RBFOX1: variants seen among roughly 807,000 people sequenced by gnomAD.
The protein encoded by RBFOX1 is RNA binding protein fox-1 homolog 1.
In RBFOX1, 8 loss-of-function variants were observed where a neutral mutation model predicts 57.7. The observed-to-expected ratio is 0.14, with a 90% CI of 0.08 to 0.25. The LOEUF (loss-of-function observed/expected upper bound fraction) is 0.25, where lower values mean the gene tolerates loss of function less well. RBFOX1 is among the 10% of genes least tolerant of loss of function. The pLI is 1.00. For synonymous variants in RBFOX1, 326 were observed against 222.4 expected (o/e 1.47, Z -4.15); for missense variants, 611 against 548.5 (o/e 1.11, Z -1.14).
intron 4 of RBFOX1, among the ~76,000 whole-genome samples, chr16:7,192,930 C>A (rs546434944): frequency 1.3e-5 from 2 of 152,296 alleles, no homozygotes; most frequent in South Asian, 2.1e-4. Context: ...ATGTAAAAAG[C>A]AGAGAGAAAG....
chr16:5,425,020 G>T (rs1260714580), intron 1 of RBFOX1, among the ~76,000 whole-genome samples: 40 of 78,788 alleles, frequency 5.1e-4, no homozygotes, highest in South Asian at 8.1e-4. Context: ...TTTCTTTCTT[G>T]ATTCCTCCCT....
At chr16:6,417,200 TG>T (rs1459620929) in intron 2 of RBFOX1, among the ~76,000 whole-genome samples, 1 of 151,530 alleles carries the variant, frequency 6.6e-6, no homozygotes, top group African/African-American at 2.4e-5. Flanking sequence ...TTAGTAGAGA[TG>T]GGGTTTCACC....
chr16:6,832,538 A>C (rs970721969), intron 3 of RBFOX1, among the ~76,000 whole-genome samples: 1 of 152,204 alleles, frequency 6.6e-6, no homozygotes, highest in Non-Finnish European at 1.5e-5. Flanking sequence ...CCTCTTGCTT[A>C]GTATGAATGT....
At chr16:6,103,310 G>A (rs1038139672) in intron 1 of RBFOX1, among the ~76,000 whole-genome samples, 1 of 152,068 alleles carries the variant, frequency 6.6e-6, no homozygotes, top group Non-Finnish European at 1.5e-5. Flanking sequence ...GACAAAAGAT[G>A]GGAGAAGTGA....
chr16:6,679,296 T>C (rs577841983), intron 3 of RBFOX1, among the ~76,000 whole-genome samples: 6 of 152,142 alleles, frequency 3.9e-5, no homozygotes, highest in African/African-American at 1.2e-4. Context: ...AAGCTAATCA[T>C]GGTAAAGGTG....
At chr16:5,970,620 C>G (rs1385120980) in intron 4 of RBFOX1, among the ~76,000 whole-genome samples, 1 of 152,114 alleles carries the variant, frequency 6.6e-6, no homozygotes, top group African/African-American at 2.4e-5. Context: ...TGTGGGCCGA[C>G]CAAGTCAAAT....
intron 1 of RBFOX1, among the ~76,000 whole-genome samples, chr16:5,461,901 C>A (rs778179853): frequency 4.6e-5 from 7 of 152,172 alleles, no homozygotes; most frequent in Admixed American, 4.6e-4. Flanking sequence ...AGAGAAGGGA[C>A]AAGGGGTAGC....
chr16:6,500,419 G>T (rs1017796740), intron 2 of RBFOX1, among the ~76,000 whole-genome samples: 4 of 152,100 alleles, frequency 2.6e-5, no homozygotes, highest in African/African-American at 9.7e-5. Flanking sequence ...ATATGATATT[G>T]TTAAGTCACA....
intron 4 of RBFOX1, among the ~76,000 whole-genome samples, chr16:7,369,689 G>T (rs572335977): frequency 6.6e-6 from 1 of 152,198 alleles, no homozygotes; most frequent in South Asian, 2.1e-4. Context: ...GGATGGAGGG[G>T]CTATTTGCCA....
intron 4 of RBFOX1, among the ~76,000 whole-genome samples, chr16:7,251,554 G>T (rs13338161): frequency 2.0e-5 from 3 of 151,808 alleles, no homozygotes; most frequent in Non-Finnish European, 4.4e-5. Context: ...GGGATTACAC[G>T]TGTCTCCCCT....
chr16:7,313,886 G>T (rs971202347), intron 4 of RBFOX1, among the ~76,000 whole-genome samples: 1 of 152,152 alleles, frequency 6.6e-6, no homozygotes. Context: ...GCCAGTGGCT[G>T]GTTCTGTATG....
intron 1 of RBFOX1, among the ~76,000 whole-genome samples, chr16:6,222,122 T>C (rs772090941): frequency 6.6e-6 from 1 of 152,158 alleles, no homozygotes; most frequent in Non-Finnish European, 1.5e-5. Flanking sequence ...CATGATGTCT[T>C]TCCAAACAAC....
intron 3 of RBFOX1, among the ~76,000 whole-genome samples, chr16:6,765,833 C>G (rs1453397593): frequency 6.6e-6 from 1 of 152,138 alleles, no homozygotes; most frequent in African/African-American, 2.4e-5. Context: ...TCTTTTGCAG[C>G]AACTTGGATG....
chr16:6,809,210 C>G (rs1439869494), intron 3 of RBFOX1, among the ~76,000 whole-genome samples: 2 of 152,160 alleles, frequency 1.3e-5, no homozygotes, highest in Non-Finnish European at 2.9e-5. Flanking sequence ...ACCACCTTGG[C>G]TACGCTGGAG....
At chr16:6,462,182 C>G (rs1259264738) in intron 2 of RBFOX1, among the ~76,000 whole-genome samples, 1 of 152,146 alleles carries the variant, frequency 6.6e-6, no homozygotes, top group Non-Finnish European at 1.5e-5. Context: ...ACACAGAACT[C>G]TTTAGAGTTA....
intron 2 of RBFOX1, among the ~76,000 whole-genome samples, chr16:6,582,363 A>C (rs1346966521): frequency 6.6e-6 from 1 of 152,168 alleles, no homozygotes; most frequent in Non-Finnish European, 1.5e-5. Flanking sequence ...ATGAACACTA[A>C]ATTTAACAAT....
chr16:5,272,490 A>G (rs1474293780), intron 1 of RBFOX1, among the ~76,000 whole-genome samples: 1 of 152,176 alleles, frequency 6.6e-6, no homozygotes, highest in Non-Finnish European at 1.5e-5. Context: ...TGAGATTTCT[A>G]CTGAGATCAG....
chr16:6,275,016 G>A (rs1468047407), intron 1 of RBFOX1, among the ~76,000 whole-genome samples: 1 of 152,164 alleles, frequency 6.6e-6, no homozygotes, highest in African/African-American at 2.4e-5. Context: ...TCCGGAGAGT[G>A]ACATGGAAAT....
At chr16:6,322,991 C>G (rs1218328579) in intron 2 of RBFOX1, among the ~76,000 whole-genome samples, 3 of 152,194 alleles carry the variant, frequency 2.0e-5, no homozygotes, top group Non-Finnish European at 4.4e-5. Context: ...ATGAATATCT[C>G]TTACCTCTCC....
Sources: allele counts gnomAD v4.1 joint callset (sites outside exome capture counted in the v4.1 genomes callset), GRCh38; gene constraint gnomAD v4.1.1; transcripts MANE v1.5; gene names NCBI Gene and HGNC (gene_info 2026-07-23, HGNC 2026-07-21).